LIPT1: variants seen among roughly 807,000 people sequenced by gnomAD.
LIPT1 encodes the protein lipoyltransferase 1.
In LIPT1, 22 loss-of-function variants were observed where a neutral mutation model predicts 25.1. That is an observed-to-expected ratio of 0.88 (90% confidence interval 0.63 to 1.25). The LOEUF (loss-of-function observed/expected upper bound fraction) is 1.25. Among genes scored for constraint, LIPT1 ranks in the 50% most tolerant of loss-of-function variants. LIPT1 has a pLI of 0.00. For missense variants in LIPT1, 399 were observed against 432.8 expected, an observed-to-expected ratio of 0.92 and a Z score of 0.69; for synonymous variants, 131 against 150.8, an observed-to-expected ratio of 0.87 and a Z score of 0.96.
intron 1 of LIPT1, among the ~76,000 whole-genome samples, chr2:99,158,397 C>A (rs906563752): frequency 2.3e-5 from 3 of 128,462 alleles, no homozygotes; most frequent in African/African-American, 9.1e-5. Flanking sequence ...AGTTTGAGAC[C>A]AGCCTGGACA....
rs1574809358 is a variant in LIPT1 at position 99,161,303 on chromosome 2, T to A, written c.-1-654T>A. ...AAAAAAAAAAAAAAATATATATATA[T>A]ATATATATATATATATATATATATA... On this transcript the variant is annotated intron_variant, in intron 1 of 1. Transcript: ENST00000651691. 14 of 29,312 alleles carry A rather than the reference T, an allele frequency of 4.8e-4. 1 individual carries two copies. Among genetic ancestry groups the A allele is most frequent in the African/African-American group, 1.1e-3 (9 of 8,262 alleles). 1.8% of individuals were successfully genotyped at this position (29,312 alleles called of 1,614,324 possible).
In LIPT1 at chr2:99,162,638, A is replaced by T. The variant is rs1574813279; in HGVS notation, c.681A>T (p.Leu227=). 6.2e-7 allele frequency: 1 copy of T among 1,614,126 alleles called. No homozygotes were observed. The highest frequency in any genetic ancestry group is 8.5e-7 in the Non-Finnish European group (1 of 1,179,978). Residue 227 remains leucine, a synonymous_variant, in exon 2 of 2, where the codon CTA becomes CTT. Transcript: ENST00000651691. ...ATCCCACTCTGACCTGTGAAGTACT[A>T]ATGAATGCTGTTGCTACAGAGTATG... ...EKDPTLTCEV[L]MNAVATEYAA...
chr2:99,160,234 C>A (rs960706168), intron 1 of LIPT1, among the ~76,000 whole-genome samples: 1 of 152,096 alleles, frequency 6.6e-6, no homozygotes, highest in Non-Finnish European at 1.5e-5. Context: ...TAGGGAGACC[C>A]CCATCTCTAC....
Position 99,162,711 on chromosome 2 carries a change from G to A in LIPT1, c.754G>A (p.Asp252Asn), listed in dbSNP as rs750305370. The change falls in exon 2 of 2, where the codon GAT (aspartate) becomes AAT (asparagine). Residue 252 changes from aspartate to asparagine, a missense_variant. Coordinates refer to ENST00000651691, the MANE Select transcript of LIPT1 (RefSeq NM_145199.3). ...DNHIHLINPT[D>N]ETLFPGINSK... ...TCACATTCACCTAATAAACCCAACG[G>A]ATGAGACACTGTTTCCTGGAATAAA... is the stretch of plus-strand genomic sequence containing the variant. 74 of 1,614,148 alleles carry A rather than the reference G, an allele frequency of 4.6e-5. No individual in the cohort carries two copies. The highest frequency in any genetic ancestry group is 5.8e-5 in the Non-Finnish European group (69 of 1,180,042).
chr2:99,156,071 G>A (rs1159159160), intron 1 of LIPT1, among the ~76,000 whole-genome samples: 1 of 151,850 alleles, frequency 6.6e-6, no homozygotes, highest in Non-Finnish European at 1.5e-5. Context: ...TTCTCACTCT[G>A]TGTGATTTTT....
intron 1 of LIPT1, 29 bp from the exon 2 acceptor site, chr2:99,161,928 T>C: frequency 6.6e-7 from 1 of 1,525,044 alleles, no homozygotes; most frequent in Non-Finnish European, 8.9e-7. Context: ...TCTCGATGAA[T>C]TAATTTGTTT....
chr2:99,160,049 AC>A (rs1202295929), intron 1 of LIPT1, among the ~76,000 whole-genome samples: 1 of 152,262 alleles, frequency 6.6e-6, no homozygotes, highest in Non-Finnish European at 1.5e-5. Flanking sequence ...ATAAACTACA[AC>A]AAGAGTGATG....
chr2:99,162,471 A>G lies in LIPT1; in HGVS notation c.514A>G (p.Thr172Ala). Residue 172 changes from threonine (T) to alanine (A), a missense_variant, in exon 2 of 2, where the codon ACT becomes GCT. Transcript: ENST00000651691. ...AGGAACAGCTTCTAAGATCGGCCGG[A>G]CTACTGCCTATCACCATTGCACTTT... ...ISGTASKIGR[T>A]TAYHHCTLLC... The G allele has an allele frequency of 6.2e-7, 1 of 1,614,120 alleles. No homozygotes were observed. Among genetic ancestry groups the G allele is most frequent in the South Asian group, 1.1e-5 (1 of 91,090 alleles).
At chr2:99,159,957 T>G (rs752132844) in intron 1 of LIPT1, among the ~76,000 whole-genome samples, 6 of 152,222 alleles carry the variant, frequency 3.9e-5, no homozygotes, top group Non-Finnish European at 5.9e-5. Flanking sequence ...GTGACTCAGT[T>G]CAAGTATTCC....
rs776401010 is a variant in LIPT1, at chr2:99,162,723, T to A, written c.766T>A (p.Phe256Ile). 1 of 1,614,212 alleles carries A rather than the reference T, an allele frequency of 6.2e-7. No homozygotes were observed. Among genetic ancestry groups the A allele is most frequent in the South Asian group, 1.1e-5 (1 of 91,084 alleles). The change falls in exon 2 of 2, where the codon TTT (phenylalanine) becomes ATT (isoleucine). Residue 256 changes from phenylalanine to isoleucine, a missense_variant. By Grantham distance (21) the Phe-to-Ile change is conservative. Coordinates refer to ENST00000651691, the MANE Select transcript of LIPT1 (RefSeq NM_145199.3). Reference protein sequence around the residue: ...HLINPTDETLFPGINSKAKEL... With the variant: ...HLINPTDETLIPGINSKAKEL... Reference sequence around the variant, plus strand: ...AATAAACCCAACGGATGAGACACTGTTTCCTGGAATAAATAGCAAAGCCAA... The same window carrying A: ...AATAAACCCAACGGATGAGACACTGATTCCTGGAATAAATAGCAAAGCCAA...
rs373794530 is a variant in LIPT1, at chr2:99,163,010, A to C, written c.1053A>C (p.Thr351=). 1 of 1,609,528 alleles carries C rather than the reference A, an allele frequency of 6.2e-7. No individual in the cohort carries two copies. Among genetic ancestry groups the C allele is most frequent in the Non-Finnish European group, 8.5e-7 (1 of 1,178,078 alleles). The part of the protein sequence containing the change: ...TTMLTNILLR[T]CPQDHKLNSK... ...TGCTAACAAATATATTACTTAGAAC[A>C]TGTCCACAAGACCACAAACTAAACA... is the stretch of plus-strand genomic sequence containing the variant. Residue 351 remains threonine (T), a synonymous_variant, in exon 2 of 2, where the codon ACA becomes ACC. Transcript: ENST00000651691.
rs575068235 is a variant in LIPT1 at position 99,155,018 on chromosome 2, C to G, written c.-35C>G. ...ATGACGCACTTTTCCAGCTCGAGCC[C>G]TCACGAGGCCGTGGGTACGACCGGA... On this transcript the variant is annotated 5_prime_UTR_variant, in exon 1 of 2. Transcript: ENST00000651691. The G allele has an allele frequency of 4.4e-6, 2 of 456,026 alleles. No individual in the cohort carries two copies. The highest frequency in any genetic ancestry group is 2.0e-5 in the African/African-American group (1 of 50,208). The allele number at this position is 456,026 out of a possible 1,614,324, so 28.2% of individuals were successfully genotyped here.
At position 99,162,138 on chromosome 2, in the gene LIPT1, C is replaced by G. The variant is rs1476740070; in HGVS notation, c.181C>G (p.Pro61Ala). Residue 61 changes from proline (P) to alanine (A), a missense_variant, in exon 2 of 2, where the codon CCA becomes GCA. Coordinates refer to ENST00000651691, the MANE Select transcript of LIPT1 (RefSeq NM_145199.3). ...TGACCATATGAATCTAGAAGGCAAACCAATTCTATTCTTTTGGCAGAATTC... is the reference window on the plus strand; with the variant it reads ...TGACCATATGAATCTAGAAGGCAAAGCAATTCTATTCTTTTGGCAGAATTC... Reference protein sequence around the residue: ...IHDHMNLEGKPILFFWQNSPS... With the variant: ...IHDHMNLEGKAILFFWQNSPS... The G allele has an allele frequency of 3.1e-6, 5 of 1,613,972 alleles. No individual in the cohort carries two copies. The highest frequency in any genetic ancestry group is 1.7e-5 in the Admixed American group (1 of 59,992).
In LIPT1 at chr2:99,163,000, T is replaced by A; in HGVS notation, c.1043T>A (p.Leu348Ter). 2 of 1,610,900 alleles carry A rather than the reference T, an allele frequency of 1.2e-6. No individual in the cohort carries two copies. The highest frequency in any genetic ancestry group is 1.7e-6 in the Non-Finnish European group (2 of 1,178,654). Reference protein sequence around the residue: ...PTETTMLTNILLRTCPQDHKL... With the variant: ...PTETTMLTNI Reference sequence around the variant, plus strand: ...GAAACTACCATGCTAACAAATATATTACTTAGAACATGTCCACAAGACCAC... The same window carrying A: ...GAAACTACCATGCTAACAAATATATAACTTAGAACATGTCCACAAGACCAC... Residue 348 changes from leucine to a stop codon, truncating the protein, a stop_gained, in exon 2 of 2, where the codon TTA (leucine) becomes TAA (stop). Coordinates refer to ENST00000651691, the MANE Select transcript of LIPT1 (RefSeq NM_145199.3). LOFTEE classifies it high-confidence loss of function.
At position 99,162,593 on chromosome 2, in the gene LIPT1, G is replaced by C. The variant is rs772749727; in HGVS notation, c.636G>C (p.Val212=). Residue 212 remains valine, a synonymous_variant, in exon 2 of 2, where the codon GTG becomes GTC. Coordinates refer to ENST00000651691, the MANE Select transcript of LIPT1 (RefSeq NM_145199.3). ...SNATASIPSL[V]KNLLEKDPTL... is the part of the protein sequence containing the mutation. Reference sequence around the variant, plus strand: ...CCACTGCTAGCATACCTTCCTTAGTGAAAAATCTTTTGGAAAAGGATCCCA... The same window carrying C: ...CCACTGCTAGCATACCTTCCTTAGTCAAAAATCTTTTGGAAAAGGATCCCA... 1 of 1,614,082 alleles carries C rather than the reference G, an allele frequency of 6.2e-7. No homozygotes were observed. The highest frequency in any genetic ancestry group is 1.1e-5 in the South Asian group (1 of 91,088).
intron 1 of LIPT1, chr2:99,155,526 T>G (rs138993530): frequency 4.4e-6 from 2 of 455,720 alleles, no homozygotes; most frequent in East Asian, 7.0e-5. Flanking sequence ...GGTAGCGAAG[T>G]GTCCCAAGAA....
At chr2:99,161,343 G>A (rs1301766340) in intron 1 of LIPT1, 2 of 95,352 alleles carry the variant, frequency 2.1e-5, no homozygotes, top group African/African-American at 4.3e-5. Flanking sequence ...TATATAGATT[G>A]AATGTCGAAT....
At position 99,163,010 on chromosome 2, in the gene LIPT1, A is replaced by G. The variant is rs373794530; in HGVS notation, c.1053A>G (p.Thr351=). 6.0e-5 allele frequency: 96 copies of G among 1,609,526 alleles called. No homozygotes were observed. In the African/African-American group the frequency reaches 8.8e-4, roughly 15 times the overall value. The part of the protein sequence containing the change: ...TTMLTNILLR[T]CPQDHKLNSK... ...TGCTAACAAATATATTACTTAGAAC[A>G]TGTCCACAAGACCACAAACTAAACA... Residue 351 remains threonine, a synonymous_variant, in exon 2 of 2, where the codon ACA becomes ACG. Coordinates refer to ENST00000651691, the MANE Select transcript of LIPT1 (RefSeq NM_145199.3).
intron 1 of LIPT1, chr2:99,156,654 T>C (rs912585581): frequency 6.6e-5 from 10 of 152,232 alleles, no homozygotes; most frequent in Admixed American, 1.3e-4. Context: ...TGTCATGTAA[T>C]TGATGAAAAC....
Sources: gnomAD v4.1 joint callset for allele counts (sites outside exome capture counted in the v4.1 genomes callset) on GRCh38, gnomAD v4.1.1 for gene constraint, MANE v1.5 for transcripts, NCBI Gene and HGNC (gene_info 2026-07-23, HGNC 2026-07-21) for gene names.